The following GPR161 variants were observed in gnomAD, a reference collection of about 807,000 sequenced individuals.
GPR161 encodes the protein G protein-coupled receptor 161, also known as G-protein coupled receptor RE2.
A neutral mutation model predicts 39.2 loss-of-function variants in GPR161; 25 were observed. The ratio of observed to expected loss-of-function variants is 0.64; its 90% CI spans 0.47 to 0.89. The LOEUF (loss-of-function observed/expected upper bound fraction) is 0.89. GPR161 is among the 40% of genes least tolerant of loss of function. The pLI is 0.00. For missense variants in GPR161, 547 were observed against 677.8 expected (o/e 0.81, Z 2.14); for synonymous variants, 286 against 276.6 (o/e 1.03, Z -0.34).
chr1:168,085,401 ATGC>A lies in GPR161; in HGVS notation c.*127_*129del. Reference sequence around the variant, plus strand: ...CCTTGTCCTGGTGGCTGCATACCAGATGCTGCTCCTTCCCTGTGTGTGGCCAGC... The same window carrying A: ...CCTTGTCCTGGTGGCTGCATACCAGATGCTCCTTCCCTGTGTGTGGCCAGC... On this transcript the variant is annotated 3_prime_UTR_variant, in exon 6 of 6. Coordinates refer to ENST00000682931, the MANE Select transcript of GPR161 (RefSeq NM_001375883.1). The A allele has an allele frequency of 1.3e-6, 1 of 799,572 alleles. No individual in the cohort carries two copies. Among genetic ancestry groups the A allele is most frequent in the Non-Finnish European group, 2.0e-6 (1 of 489,886 alleles). 49.5% of individuals were successfully genotyped at this position (799,572 alleles called of 1,614,324 possible).
chr1:168,137,280 C>T, upstream of GPR161: 1 of 1,507,938 alleles, frequency 6.6e-7, no homozygotes, highest in Non-Finnish European at 8.8e-7. Context: ...TTTTCCATGT[C>T]TCTCTCCATC....
chr1:168,127,322 T>C (rs1466706622), intron 1 of GPR161, among the ~76,000 whole-genome samples: 2 of 151,890 alleles, frequency 1.3e-5, no homozygotes, highest in African/African-American at 4.8e-5. Context: ...CTGTCTCTAT[T>C]AAAAATACAA....
At position 168,136,816 on chromosome 1, in the gene GPR161, T is replaced by TCCTC. The variant is rs1699418502; in HGVS notation, c.-126_-123dup. 1.3e-5 allele frequency: 13 copies of TCCTC among 983,354 alleles called. No homozygotes were observed. The highest frequency in any genetic ancestry group is 1.4e-5 in the Non-Finnish European group (12 of 829,588). 60.9% of individuals were successfully genotyped at this position (983,354 alleles called of 1,614,324 possible). On this transcript the variant is annotated 5_prime_UTR_variant, in exon 1 of 6. Coordinates refer to ENST00000682931, the MANE Select transcript of GPR161 (RefSeq NM_001375883.1). ...TCGGCCACCGCCGCCGCCGCTTCCT[T>TCCTC]CCTCCCCGCCGCGCTCCGGGACTGG...
In GPR161 at chr1:168,110,533, GAAAGGAAAGAAAAGA is replaced by G. The variant is rs1393976196; in HGVS notation, c.-44-5654_-44-5640del. Among the ~76,000 whole-genome samples, 75 of 61,164 alleles carry G rather than the reference GAAAGGAAAGAAAAGA, an allele frequency of 1.2e-3. 1 individual carries two copies. The highest frequency in any genetic ancestry group is 6.6e-3 in the Middle Eastern group (1 of 152). 40.1% of individuals were successfully genotyped at this position (61,164 alleles called of 152,430 possible). ...AGAAAAAAAAAAAAACGAAAGAAAG[GAAAGGAAAGAAAAGA>G]AAAGAAAAGAAAAGAAAAGAAAAGA... is the stretch of plus-strand genomic sequence containing the variant. On this transcript the variant is annotated intron_variant, in intron 1 of 5. Coordinates refer to ENST00000682931, the MANE Select transcript of GPR161 (RefSeq NM_001375883.1).
At position 168,080,716 on chromosome 1, in the gene GPR161, C is replaced by T. The variant is rs1364712948; in HGVS notation, c.*4815G>A. ...TCTCAGGGAGAATGTCCTTTCTGGA[C>T]TGTAAGGAAGGTCAAGCTGTATTTG... On this transcript the variant is annotated 3_prime_UTR_variant, in exon 6 of 6. Transcript: ENST00000682931. 2 of 152,184 alleles carry T rather than the reference C, an allele frequency of 1.3e-5. No individual in the cohort carries two copies. The highest frequency in any genetic ancestry group is 2.9e-5 in the Non-Finnish European group (2 of 68,060). 9.4% of individuals were successfully genotyped at this position (152,184 alleles called of 1,614,324 possible). A position where few individuals can be genotyped will look rare whatever the true frequency, so the allele number is the denominator to read the frequency against.
intron 1 of GPR161, among the ~76,000 whole-genome samples, chr1:168,106,419 C>T (rs1226152220): frequency 2.0e-5 from 3 of 152,174 alleles, no homozygotes; most frequent in Non-Finnish European, 4.4e-5. Flanking sequence ...GAAACTGTCT[C>T]TACAGAAAAA....
intron 1 of GPR161, among the ~76,000 whole-genome samples, chr1:168,113,332 G>C (rs1397404016): frequency 6.6e-6 from 1 of 152,152 alleles, no homozygotes; most frequent in Admixed American, 6.5e-5. Flanking sequence ...AAACCTATCA[G>C]AAATTATCCC....
intron 1 of GPR161, among the ~76,000 whole-genome samples, chr1:168,134,544 C>G (rs929014631): frequency 6.6e-6 from 1 of 152,190 alleles, no homozygotes; most frequent in African/African-American, 2.4e-5. Context: ...TTCTCCCCTG[C>G]TGTCATGCTT....
intron 1 of GPR161, 21 bp from the exon 2 acceptor site, chr1:168,104,915 C>T (rs767418265): frequency 6.4e-7 from 1 of 1,574,392 alleles, no homozygotes; most frequent in Non-Finnish European, 8.7e-7. Context: ...AAGGCAGGAC[C>T]AGGGGACAGG....
intron 1 of GPR161, among the ~76,000 whole-genome samples, chr1:168,127,963 A>C (rs376420191): frequency 1.3e-5 from 2 of 152,212 alleles, no homozygotes; most frequent in African/African-American, 2.4e-5. Flanking sequence ...CTGAAGATTT[A>C]AAGCCCCACT....
Position 168,080,367 on chromosome 1 carries a change from A to G in GPR161, c.*5164T>C, listed in dbSNP as rs914671059. On this transcript the variant is annotated 3_prime_UTR_variant, in exon 6 of 6. Coordinates refer to ENST00000682931, the MANE Select transcript of GPR161 (RefSeq NM_001375883.1). Reference sequence around the variant, plus strand: ...GGCCAAGACTTGGAGTTTGGCTTTGACTCTGGCTTAACTTACTTTGAGACC... The same window carrying G: ...GGCCAAGACTTGGAGTTTGGCTTTGGCTCTGGCTTAACTTACTTTGAGACC... The G allele has an allele frequency of 1.3e-5, 2 of 152,218 alleles. No individual in the cohort carries two copies. The highest frequency in any genetic ancestry group is 2.1e-4 in the South Asian group (1 of 4,820). 9.4% of individuals were successfully genotyped at this position (152,218 alleles called of 1,614,324 possible).
chr1:168,117,861 C>T (rs1005299071), intron 1 of GPR161, among the ~76,000 whole-genome samples: 5 of 152,240 alleles, frequency 3.3e-5, no homozygotes, highest in African/African-American at 1.2e-4. Flanking sequence ...GTGCCGCACT[C>T]TCCCATTTCC....
chr1:168,085,660 G>A lies in GPR161; in HGVS notation c.1461C>T (p.Val487=). Reference sequence around the variant, plus strand: ...CCGGGACAGTCCGTGCTGTAACCAAGACCCCTGGCAAAGCCTCCTCCCCAA... The same window carrying A: ...CCGGGACAGTCCGTGCTGTAACCAAAACCCCTGGCAAAGCCTCCTCCCCAA... ...NLFGEEALPG[V]LVTARTVPGG... Residue 487 remains valine, a synonymous_variant, in exon 6 of 6, where the codon GTC becomes GTT. Transcript: ENST00000682931. 6.2e-7 allele frequency: 1 copy of A among 1,614,214 alleles called. No homozygotes were observed. Among genetic ancestry groups the A allele is most frequent in the East Asian group, 2.2e-5 (1 of 44,890 alleles).
chr1:168,137,157 G>A, upstream of GPR161: 1 of 1,296,142 alleles, frequency 7.7e-7, no homozygotes, highest in Non-Finnish European at 9.8e-7. Context: ...TCTTTGTCTC[G>A]CCCTTACCCT....
At chr1:168,137,424 A>C, upstream of GPR161, 1 of 1,527,246 alleles carries the variant, frequency 6.5e-7, no homozygotes, top group Non-Finnish European at 8.8e-7. Context: ...ACGAGCATCC[A>C]TCTGCCTTCT....
chr1:168,099,051 G>C (rs112322117), intron 2 of GPR161, among the ~76,000 whole-genome samples: 3 of 152,190 alleles, frequency 2.0e-5, no homozygotes, highest in Non-Finnish European at 4.4e-5. Flanking sequence ...AAAAGGCCCG[G>C]ATGGTGCCTA....
In GPR161 at chr1:168,079,979, G is replaced by A. The variant is rs1385161044; in HGVS notation, c.*5552C>T. The stretch of plus-strand genomic sequence containing the variant: ...TACTACCCAGGAAAATGCTTGCTGA[G>A]AGAAATGAACATAGCTTTGTGTATT... On this transcript the variant is annotated 3_prime_UTR_variant, in exon 6 of 6. Transcript: ENST00000682931. 5 of 152,196 alleles carry A rather than the reference G, an allele frequency of 3.3e-5. No homozygotes were observed. Among genetic ancestry groups the A allele is most frequent in the Admixed American group, 3.3e-4 (5 of 15,286 alleles). The allele number at this position is 152,196 out of a possible 1,614,324, so 9.4% of individuals were successfully genotyped here.
chr1:168,109,196 T>C (rs1465973762), intron 1 of GPR161, among the ~76,000 whole-genome samples: 2 of 152,200 alleles, frequency 1.3e-5, no homozygotes, highest in East Asian at 1.9e-4. Flanking sequence ...TCACTTACTA[T>C]GGGAGTCTCC....
chr1:168,103,771 G>A (rs993588323), intron 2 of GPR161, among the ~76,000 whole-genome samples: 9 of 152,172 alleles, frequency 5.9e-5, no homozygotes, highest in Non-Finnish European at 1.2e-4. Flanking sequence ...TGTGATGAAC[G>A]CAGTGGCCAT....
Sources: gnomAD v4.1 joint callset for allele counts (sites outside exome capture counted in the v4.1 genomes callset) on GRCh38, gnomAD v4.1.1 for gene constraint, MANE v1.5 for transcripts, NCBI Gene and HGNC (gene_info 2026-07-23, HGNC 2026-07-21) for gene names.